OSBPL2: variants seen among roughly 807,000 people sequenced by gnomAD.
OSBPL2 encodes oxysterol-binding protein-related protein 2.
In OSBPL2, 18 loss-of-function variants were observed where a neutral mutation model predicts 58.4. The observed-to-expected ratio is 0.31, with a 90% CI of 0.21 to 0.46. The LOEUF is 0.46. Among genes scored for constraint, OSBPL2 ranks in the 20% least tolerant of loss-of-function variants. The probability of loss-of-function intolerance (pLI) is 1.00; values close to 1 mark genes in which losing one functional copy is unlikely to be tolerated. For missense variants in OSBPL2, 461 were observed against 616.5 expected, an observed-to-expected ratio of 0.75 and a Z score of 2.67; for synonymous variants, 221 against 234.1, an observed-to-expected ratio of 0.94 and a Z score of 0.51.
intron 1 of OSBPL2, among the ~76,000 whole-genome samples, chr20:62,252,408 C>G (rs1410791674): frequency 6.6e-6 from 1 of 152,082 alleles, no homozygotes; most frequent in East Asian, 1.9e-4. Context: ...TAACTGCACC[C>G]CCACGTTCGC....
intron 11 of OSBPL2, among the ~76,000 whole-genome samples, chr20:62,287,271 T>G (rs925068985): frequency 1.3e-5 from 2 of 152,210 alleles, no homozygotes; most frequent in Non-Finnish European, 2.9e-5. Context: ...ACACGTAATA[T>G]CTTAGTATTT....
At chr20:62,277,624 T>C (rs952394603) in intron 6 of OSBPL2, among the ~76,000 whole-genome samples, 2 of 152,264 alleles carry the variant, frequency 1.3e-5, no homozygotes, top group Non-Finnish European at 1.5e-5. Flanking sequence ...TAGCTAAAAA[T>C]ACACATTCTT....
At chr20:62,252,910 T>C (rs1323804969) in intron 1 of OSBPL2, among the ~76,000 whole-genome samples, 2 of 152,196 alleles carry the variant, frequency 1.3e-5, no homozygotes, top group Non-Finnish European at 2.9e-5. Flanking sequence ...CACCAAGCCG[T>C]GAGGGATCCA....
chr20:62,280,446 G>A (rs1407242669), intron 7 of OSBPL2, among the ~76,000 whole-genome samples: 1 of 152,234 alleles, frequency 6.6e-6, no homozygotes, highest in East Asian at 1.9e-4. Context: ...GAACCAGTTT[G>A]GGTTCCACCC....
intron 7 of OSBPL2, chr20:62,279,949 C>T: frequency 7.7e-7 from 1 of 1,303,338 alleles, no homozygotes; most frequent in East Asian, 5.6e-5. Context: ...TGGGAGGGGA[C>T]CCTCTGAGAG....
At chr20:62,248,051 C>T (rs1372796816) in intron 1 of OSBPL2, among the ~76,000 whole-genome samples, 1 of 152,042 alleles carries the variant, frequency 6.6e-6, no homozygotes, top group East Asian at 1.9e-4. Flanking sequence ...AGGCTCTGTG[C>T]ACAGTTGTTT....
In OSBPL2 at chr20:62,273,335, T is replaced by G; in HGVS notation, c.420T>G (p.Ala140=). The G allele has an allele frequency of 1.2e-6, 2 of 1,605,862 alleles. No homozygotes were observed. Among genetic ancestry groups the G allele is most frequent in the Non-Finnish European group, 1.7e-6 (2 of 1,177,592 alleles). Residue 140 remains alanine, a synonymous_variant, in exon 6 of 14, where the codon GCT becomes GCG. Transcript: ENST00000313733. The part of the protein sequence containing the change: ...MQSVAAFAVS[A]VASQWERTGK... Reference sequence around the variant, plus strand: ...CTGTGGCTGCTTTTGCTGTTTCGGCTGTGGCTTCCCAGTGGGAGAGGACCG... The same window carrying G: ...CTGTGGCTGCTTTTGCTGTTTCGGCGGTGGCTTCCCAGTGGGAGAGGACCG...
Position 62,256,128 on chromosome 20 carries a change from T to TA in OSBPL2, c.-56dup, listed in dbSNP as rs1390429291. On this transcript the variant is annotated 5_prime_UTR_variant, in exon 2 of 14. The change creates a premature stop within an existing upstream ORF in the 5' untranslated region. Transcript: ENST00000313733. ...CCTTACACTGTAGATGTGGATCAGATACGATGATTCAGTAGAAGAGCACAT... is the reference window on the plus strand; with the variant it reads ...CCTTACACTGTAGATGTGGATCAGATAACGATGATTCAGTAGAAGAGCACAT... 2 of 1,579,562 alleles carry TA rather than the reference T, an allele frequency of 1.3e-6. No individual in the cohort carries two copies. The highest frequency in any genetic ancestry group is 3.4e-5 in the Admixed American group (2 of 59,532).
At chr20:62,252,711 G>A (rs975415913) in intron 1 of OSBPL2, among the ~76,000 whole-genome samples, 2 of 152,228 alleles carry the variant, frequency 1.3e-5, no homozygotes, top group Non-Finnish European at 2.9e-5. Context: ...ATTAGGTCGC[G>A]GTTCTGCTCT....
intron 2 of OSBPL2, among the ~76,000 whole-genome samples, chr20:62,258,225 T>C (rs1330978514): frequency 1.3e-5 from 2 of 152,184 alleles, no homozygotes; most frequent in Admixed American, 1.3e-4. Flanking sequence ...CCCCCTCAGT[T>C]CTTGGGCTTC....
chr20:62,279,207 C>A lies in OSBPL2; in HGVS notation c.542C>A (p.Pro181His), dbSNP rs1020078261. The change falls in exon 7 of 14, where the codon CCC becomes CAC. Residue 181 changes from proline (P) to histidine (H), a missense_variant. Pro to His is a moderately conservative substitution (Grantham distance 77, BLOSUM62 -2). This residue lies in a region of OSBPL2 where 319 missense variants were observed against 419.2 expected (regional missense o/e 0.76). Transcript: ENST00000313733. ...FISEQVSHHP[P>H]ISAFHSEGLN... ...TCGGAACAGGTCAGTCACCACCCCC[C>A]CATCAGTGCGTTCCACTCGGAAGGT... 6.2e-7 allele frequency: 1 copy of A among 1,614,100 alleles called. No individual in the cohort carries two copies. Among genetic ancestry groups the A allele is most frequent in the Non-Finnish European group, 8.5e-7 (1 of 1,180,028 alleles).
intron 1 of OSBPL2, among the ~76,000 whole-genome samples, chr20:62,254,434 G>A (rs1344932036): frequency 2.0e-5 from 3 of 152,266 alleles, no homozygotes; most frequent in Non-Finnish European, 4.4e-5. Context: ...TCTCCCGTCT[G>A]CAAGGGCAAG....
At chr20:62,238,639 C>G (rs1261401599) in intron 1 of OSBPL2, 42 bp downstream of exon 1, 1 of 132,414 alleles carries the variant, frequency 7.6e-6, no homozygotes, top group Non-Finnish European at 1.6e-5. Flanking sequence ...CCCGGGACCC[C>G]GGCGAGCTGC....
chr20:62,260,889 C>A (rs1032098946), intron 3 of OSBPL2, among the ~76,000 whole-genome samples: 6 of 152,108 alleles, frequency 3.9e-5, no homozygotes, highest in Admixed American at 2.6e-4. Flanking sequence ...ACTTGGGAGG[C>A]TGAGTCAGGA....
In OSBPL2 at chr20:62,276,333, G is replaced by T. The variant is rs552401685; in HGVS notation, c.492-2824G>T. 2.0e-3 allele frequency among the ~76,000 whole-genome samples: 300 copies of T among 152,348 alleles called. 1 individual carries two copies. Among genetic ancestry groups the T allele is most frequent in the Middle Eastern group, 6.8e-3 (2 of 294 alleles). ...GTGCGTGCCCATGTTTGTCCTAGAA[G>T]GTGTGTCAGCACTGCCTGTCAGACC... On this transcript the variant is annotated intron_variant, in intron 6 of 13. Coordinates refer to ENST00000313733, the MANE Select transcript of OSBPL2 (RefSeq NM_144498.4).
At chr20:62,283,673 C>T (rs796930477) in intron 9 of OSBPL2, among the ~76,000 whole-genome samples, 30 of 152,274 alleles carry the variant, frequency 2.0e-4, no homozygotes, top group Middle Eastern at 3.4e-3. Flanking sequence ...CATTTTAAAA[C>T]GCTCACTCTT....
chr20:62,257,450 T>G (rs1981001341), intron 2 of OSBPL2, among the ~76,000 whole-genome samples: 1 of 152,246 alleles, frequency 6.6e-6, no homozygotes, highest in African/African-American at 2.4e-5. Flanking sequence ...AGCTGAATTA[T>G]CTGCAGCGTG....
At chr20:62,260,234 C>T in intron 3 of OSBPL2, 109 bp downstream of exon 3, 1 of 1,059,380 alleles carries the variant, frequency 9.4e-7, no homozygotes, top group Non-Finnish European at 1.4e-6. Flanking sequence ...GTGGCACCCC[C>T]ACAGCTGTCT....
At chr20:62,268,785 CAGTGGCTCACGCCTGTAA>C (rs1312169374) in intron 4 of OSBPL2, among the ~76,000 whole-genome samples, 1 of 152,128 alleles carries the variant, frequency 6.6e-6, no homozygotes, top group Non-Finnish European at 1.5e-5. Context: ...AATTTTTTGG[CAGTGGCTCACGCCTGTAA>C]TCCCAGCACT....
Sources: allele counts gnomAD v4.1 joint callset (sites outside exome capture counted in the v4.1 genomes callset), GRCh38; gene constraint gnomAD v4.1.1; regional missense constraint gnomAD v4.1.1; transcripts MANE v1.5; gene names NCBI Gene and HGNC (gene_info 2026-07-23, HGNC 2026-07-21).